DMXL1: variants seen among roughly 807,000 people sequenced by gnomAD.
DMXL1 encodes Dmx like 1.
A neutral mutation model predicts 319.2 loss-of-function variants in DMXL1; 99 were observed. That is an observed-to-expected ratio of 0.31 (90% CI 0.26 to 0.37). The LOEUF is 0.37. DMXL1 is among the 10% of genes least tolerant of loss of function. DMXL1 has a pLI of 1.00. For synonymous variants in DMXL1, 1,385 were observed against 1,235.2 expected (o/e 1.12, Z -2.54); for missense variants, 3,745 against 3,595.6 (o/e 1.04, Z -1.06).
intron 10 of DMXL1, among the ~76,000 whole-genome samples, chr5:119,131,962 C>G (rs1764995200): frequency 6.6e-6 from 1 of 152,274 alleles, no homozygotes; most frequent in East Asian, 1.9e-4. Flanking sequence ...AGAGATAAAA[C>G]ATAATCTGAA....
Position 119,097,969 on chromosome 5 carries a change from AT to A in DMXL1, c.88-3del, listed in dbSNP as rs762032335. 4 of 1,591,904 alleles carry A rather than the reference AT, an allele frequency of 2.5e-6. No individual in the cohort carries two copies. The highest frequency in any genetic ancestry group is 1.7e-5 in the Admixed American group (1 of 57,952). On this transcript the variant is annotated splice_polypyrimidine_tract_variant and intron_variant, in intron 1 of 43. Coordinates refer to ENST00000539542, the MANE Select transcript of DMXL1 (RefSeq NM_001290321.3). ...ACACTTTTATCATTTTTATTTATTTATTTTTTTAGGCTTATGCATCTGGATG... is the reference window on the plus strand; with the variant it reads ...ACACTTTTATCATTTTTATTTATTTATTTTTTAGGCTTATGCATCTGGATG...
At chr5:119,206,721 T>C in intron 33 of DMXL1, 113 bp from the exon 34 acceptor site, 1 of 603,584 alleles carries the variant, frequency 1.7e-6, no homozygotes, top group South Asian at 2.3e-5. Flanking sequence ...CTCCATATAA[T>C]GTTCTTTTCT....
intron 1 of DMXL1, among the ~76,000 whole-genome samples, chr5:119,095,457 C>T (rs1358261827): frequency 6.6e-6 from 1 of 152,134 alleles, no homozygotes; most frequent in African/African-American, 2.4e-5. Flanking sequence ...TTAGTATAGA[C>T]TTGATGTGGG....
At chr5:119,117,408 T>A (rs576403313) in intron 7 of DMXL1, among the ~76,000 whole-genome samples, 51 of 152,130 alleles carry the variant, frequency 3.4e-4, no homozygotes, top group Non-Finnish European at 5.6e-4. Context: ...TTTCCCTAGC[T>A]TTTCACTGTT....
At chr5:119,156,704 TA>T (rs898031468) in intron 19 of DMXL1, among the ~76,000 whole-genome samples, 1 of 151,998 alleles carries the variant, frequency 6.6e-6, no homozygotes, top group African/African-American at 2.4e-5. Context: ...TCTCTTTTAA[TA>T]AAACATTGTC....
At chr5:119,074,645 G>A (rs1045698695) in intron 1 of DMXL1, among the ~76,000 whole-genome samples, 4 of 152,178 alleles carry the variant, frequency 2.6e-5, no homozygotes, top group Admixed American at 2.0e-4. Context: ...ACCTCATCAG[G>A]CATCAAGCTG....
At chr5:119,225,233 T>C (rs1420259987) in intron 38 of DMXL1, among the ~76,000 whole-genome samples, 1 of 152,068 alleles carries the variant, frequency 6.6e-6, no homozygotes, top group East Asian at 1.9e-4. Context: ...TTTTTTTCAG[T>C]TGGTCTTTTA....
In DMXL1 at chr5:119,149,636, A is replaced by G; in HGVS notation, c.3809A>G (p.Asn1270Ser). The G allele has an allele frequency of 6.2e-7, 1 of 1,613,724 alleles. No homozygotes were observed. The highest frequency in any genetic ancestry group is 8.5e-7 in the Non-Finnish European group (1 of 1,179,852). ...ATAACAAGTTTAATAAAACAGAGTAACTCCAGTTCTGGGTTACATCCTCCA... is the reference window on the plus strand; with the variant it reads ...ATAACAAGTTTAATAAAACAGAGTAGCTCCAGTTCTGGGTTACATCCTCCA... Reference protein sequence around the residue: ...PSITSLIKQSNSSSGLHPPKK... With the variant: ...PSITSLIKQSSSSSGLHPPKK... The change falls in exon 18 of 44, where the codon AAC (asparagine) becomes AGC (serine). Residue 1270 changes from asparagine to serine, a missense_variant. Coordinates refer to ENST00000539542, the MANE Select transcript of DMXL1 (RefSeq NM_001290321.3).
chr5:119,145,757 G>C (rs2150120468), intron 15 of DMXL1, among the ~76,000 whole-genome samples: 1 of 151,456 alleles, frequency 6.6e-6, no homozygotes, highest in East Asian at 1.9e-4. Context: ...AAAATATTCA[G>C]GAAATTTTTA....
chr5:119,126,826 AGTT>A (rs1763692339), intron 9 of DMXL1: 1 of 160,342 alleles, frequency 6.2e-6, no homozygotes, highest in Non-Finnish European at 1.4e-5. Context: ...TATGTTGTTG[AGTT>A]GAGCTTCTCA....
chr5:119,148,289 G>A (rs1327483610), intron 17 of DMXL1, among the ~76,000 whole-genome samples: 1 of 151,974 alleles, frequency 6.6e-6, no homozygotes, highest in Non-Finnish European at 1.5e-5. Context: ...AGTGAGTGTT[G>A]ACAAATTTAA....
Position 119,150,014 on chromosome 5 carries a change from A to G in DMXL1, c.4187A>G (p.Asp1396Gly). ...GCATTCAACAAGGCTGAAAATACAG[A>G]TTACACAGAAATAGATTCTGTTCCT... ...PQAFNKAENT[D>G]YTEIDSVPPL... is the part of the protein sequence containing the mutation. The change falls in exon 18 of 44, where the codon GAT (aspartate) becomes GGT (glycine). Residue 1396 changes from aspartate to glycine, a missense_variant. Around this residue, in one of 4 missense-constraint regions of DMXL1, gnomAD observed 2,096 missense variants for 1,985.4 expected, o/e 1.06. Coordinates refer to ENST00000539542, the MANE Select transcript of DMXL1 (RefSeq NM_001290321.3). The G allele has an allele frequency of 6.2e-7, 1 of 1,613,978 alleles. No homozygotes were observed. Among genetic ancestry groups the G allele is most frequent in the Non-Finnish European group, 8.5e-7 (1 of 1,179,922 alleles).
chr5:119,105,003 A>T (rs1038636920), intron 3 of DMXL1, among the ~76,000 whole-genome samples, 177 bp from the exon 4 acceptor site: 7 of 152,198 alleles, frequency 4.6e-5, no homozygotes, highest in African/African-American at 1.7e-4. Flanking sequence ...AGTTATGGAT[A>T]TTCTCTCACA....
intron 15 of DMXL1, among the ~76,000 whole-genome samples, chr5:119,145,171 G>T (rs1768238666): frequency 6.6e-6 from 1 of 151,712 alleles, no homozygotes; most frequent in East Asian, 1.9e-4. Flanking sequence ...CTCAAAAATG[G>T]CATTCTTGAA....
In DMXL1 at chr5:119,170,271, A is replaced by G. The variant is rs1187350375; in HGVS notation, c.5480A>G (p.His1827Arg). The stretch of plus-strand genomic sequence containing the variant: ...ACACATCCTCTTTTGCTGAGACGTC[A>G]TTTTGGATCATCTGATACATTTTCC... Reference protein sequence around the residue: ...LRTHPLLLRRHFGSSDTFSTH... With the variant: ...LRTHPLLLRRRFGSSDTFSTH... The change falls in exon 24 of 44, where the codon CAT becomes CGT. Residue 1827 changes from histidine to arginine, a missense_variant. His to Arg is a conservative substitution (Grantham distance 29). Transcript: ENST00000539542. 1 of 1,613,852 alleles carries G rather than the reference A, an allele frequency of 6.2e-7. No homozygotes were observed. The highest frequency in any genetic ancestry group is 8.5e-7 in the Non-Finnish European group (1 of 1,179,932).
At chr5:119,138,686 A>G (rs1429130615) in intron 13 of DMXL1, among the ~76,000 whole-genome samples, 2 of 152,228 alleles carry the variant, frequency 1.3e-5, no homozygotes, top group Middle Eastern at 3.4e-3. Flanking sequence ...AAAATATAAA[A>G]ATTAGCCAGA....
In DMXL1 at chr5:119,121,151, T is replaced by C. The variant is rs373648460; in HGVS notation, c.1102+12T>C. ...CAACCCAGCCACAGGTAATGAAACATTGTTCAAAACATGTTTCTGAAATTG... is the reference window on the plus strand; with the variant it reads ...CAACCCAGCCACAGGTAATGAAACACTGTTCAAAACATGTTTCTGAAATTG... On this transcript the variant is annotated intron_variant, in intron 9 of 43. Coordinates refer to ENST00000539542, the MANE Select transcript of DMXL1 (RefSeq NM_001290321.3). The C allele has an allele frequency of 5.7e-6, 9 of 1,580,216 alleles. No individual in the cohort carries two copies. The highest frequency in any genetic ancestry group is 1.4e-5 in the African/African-American group (1 of 73,828).
At chr5:119,141,080 A>G (rs549297747) in intron 13 of DMXL1, among the ~76,000 whole-genome samples, 3 of 152,226 alleles carry the variant, frequency 2.0e-5, no homozygotes, top group Non-Finnish European at 4.4e-5. Context: ...ACTCTCAATA[A>G]ACTAGGTGTT....
intron 34 of DMXL1, among the ~76,000 whole-genome samples, chr5:119,211,110 C>T (rs1035314419): frequency 6.6e-6 from 1 of 151,542 alleles, no homozygotes; most frequent in Non-Finnish European, 1.5e-5. Context: ...CTAGCATTCC[C>T]AGCATAAGCT....
Sources: gnomAD v4.1 joint callset for allele counts (sites outside exome capture counted in the v4.1 genomes callset) on GRCh38, gnomAD v4.1.1 for gene constraint, gnomAD v4.1.1 regional missense constraint, MANE v1.5 for transcripts, NCBI Gene and HGNC (gene_info 2026-07-23, HGNC 2026-07-21) for gene names.